Variants in MYB observed in about 807,000 individuals in gnomAD.
MYB encodes transcriptional activator Myb.
A neutral mutation model predicts 92.9 loss-of-function variants in MYB; 28 were observed. The ratio of observed to expected loss-of-function variants is 0.30; its 90% CI spans 0.22 to 0.41. The LOEUF (loss-of-function observed/expected upper bound fraction) is 0.41. Ranked by LOEUF, MYB falls within the 10% of genes least tolerant of loss-of-function variation. MYB has a pLI of 1.00. For synonymous variants in MYB, 295 were observed against 329.1 expected (o/e 0.90, Z 1.12); for missense variants, 679 against 929.3 (o/e 0.73, Z 3.50).
chr6:135,183,918 T>C (rs1203056386), intron 1 of MYB, among the ~76,000 whole-genome samples: 1 of 152,148 alleles, frequency 6.6e-6, no homozygotes. Context: ...ACTGAAGTCT[T>C]GAGAGAGAGG....
In MYB at chr6:135,190,686, A is replaced by G. The variant is rs1776509324; in HGVS notation, c.527+339A>G. Among the ~76,000 whole-genome samples, 3 of 152,362 alleles carry G rather than the reference A, an allele frequency of 2.0e-5. No homozygotes were observed. The South Asian group carries it at 6.2e-4, about 32-fold the overall frequency. The stretch of plus-strand genomic sequence containing the variant: ...ACTATAAAACTCTAAATGCATAGAA[A>G]GAAACTGAAGACAGTTTGTCTCTGG... On this transcript the variant is annotated intron_variant, in intron 5 of 15. Coordinates refer to ENST00000341911, the MANE Select transcript of MYB (RefSeq NM_001130173.2). This position sits in a 1 kb window ranked among gnomAD's most constrained non-coding sequence, Gnocchi z 4.5.
At chr6:135,194,939 T>A in intron 8 of MYB, 2 of 1,315,236 alleles carry the variant, frequency 1.5e-6, no homozygotes, top group Non-Finnish European at 2.0e-6. Flanking sequence ...AGCTGCTCTC[T>A]TTTATTTGCA....
intron 4 of MYB, 33 bp downstream of exon 4, chr6:135,189,916 A>G (rs2128289549): frequency 1.3e-6 from 2 of 1,570,416 alleles, no homozygotes; most frequent in East Asian, 4.5e-5. Context: ...TGTGACTCAT[A>G]ATTAAGAATA....
intron 11 of MYB, chr6:135,199,636 G>C: frequency 1.5e-6 from 1 of 688,750 alleles, no homozygotes; most frequent in Non-Finnish European, 1.8e-6. Context: ...AAATGGTAGA[G>C]AAAGTGTGAA....
Position 135,201,761 on chromosome 6 carries a change from T to C in MYB, c.2061+12T>C. ...TGGCAGATGCACCGGTAAGTACGTG[T>C]GCACCAGCCCCCAAGTTGTTATGTG... On this transcript the variant is annotated intron_variant, in intron 14 of 15. Coordinates refer to ENST00000341911, the MANE Select transcript of MYB (RefSeq NM_001130173.2). 2.1e-6 allele frequency: 3 copies of C among 1,411,932 alleles called. No homozygotes were observed. The highest frequency in any genetic ancestry group is 2.8e-6 in the Non-Finnish European group (3 of 1,062,086). The allele number at this position is 1,411,932 out of a possible 1,614,324, so 87.5% of individuals were successfully genotyped here.
chr6:135,199,628 A>C, intron 11 of MYB: 2 of 743,344 alleles, frequency 2.7e-6, no homozygotes, highest in Non-Finnish European at 3.4e-6. Flanking sequence ...ATTCAGAGAA[A>C]TGGTAGAGAA....
In MYB at chr6:135,182,873, G is replaced by T. The variant is rs1005452344; in HGVS notation, c.23+1337G>T. 1.3e-5 allele frequency among the ~76,000 whole-genome samples: 2 copies of T among 152,272 alleles called. No homozygotes were observed. The highest frequency in any genetic ancestry group is 3.9e-4 in the East Asian group (2 of 5,160). On this transcript the variant is annotated intron_variant, in intron 1 of 15. Coordinates refer to ENST00000341911, the MANE Select transcript of MYB (RefSeq NM_001130173.2). This position sits in a 1 kb window ranked among gnomAD's most constrained non-coding sequence, Gnocchi z 5.6. ...CGGGGCTTGGTTGGGCTCTGGGGAC[G>T]AGAGGGCGACTTGGGGGAGCTCCGG...
intron 15 of MYB, 119 bp from the exon 16 acceptor site, chr6:135,217,745 T>C: frequency 2.7e-6 from 2 of 751,274 alleles, no homozygotes; most frequent in Admixed American, 2.2e-5. Context: ...TAAGATTCTA[T>C]CTGACAAAGC....
Position 135,201,648 on chromosome 6 carries a change from C to T in MYB, c.1960C>T (p.Pro654Ser). The change falls in exon 14 of 16, where the codon CCA becomes TCA. Residue 654 changes from proline (P) to serine (S), a missense_variant. This residue lies in a region of MYB where 402 missense variants were observed against 434.2 expected (regional missense o/e 0.93). Transcript: ENST00000341911. ...LKKIKQEVES[P>S]TDKSGNFFCS... ...TTCTATATGCTTTTAGGTGGAATCT[C>T]CAACTGATAAATCAGGAAACTTCTT... The T allele has an allele frequency of 6.2e-7, 1 of 1,604,646 alleles. No individual in the cohort carries two copies. The highest frequency in any genetic ancestry group is 8.5e-7 in the Non-Finnish European group (1 of 1,173,850).
At chr6:135,200,513 C>A in intron 13 of MYB, 98 bp downstream of exon 13, 1 of 1,541,956 alleles carries the variant, frequency 6.5e-7, no homozygotes, top group Non-Finnish European at 8.9e-7. Flanking sequence ...CTGTGCAACA[C>A]CACGACTTTT....
At chr6:135,203,850 C>T in intron 15 of MYB, 1 of 1,236,598 alleles carries the variant, frequency 8.1e-7, no homozygotes, top group East Asian at 6.0e-5. Flanking sequence ...TGAAGTTGAC[C>T]ATCTGCTGTC....
chr6:135,208,933 G>A (rs1779352064), intron 15 of MYB, among the ~76,000 whole-genome samples: 2 of 152,230 alleles, frequency 1.3e-5, no homozygotes, highest in Non-Finnish European at 1.5e-5. Flanking sequence ...CTAGTCCAGT[G>A]CTGTCTAATA....
chr6:135,190,123 G>A lies in MYB; in HGVS notation c.307-4G>A. On this transcript the variant is annotated splice_region_variant and splice_polypyrimidine_tract_variant and intron_variant, in intron 4 of 15. Transcript: ENST00000341911. The surrounding 1 kb of genome is among the most constrained non-coding windows in gnomAD (Gnocchi z 4.5). ...ATAGGTTATTTTTGTGTGTTTATCT[G>A]AAGGTGATAGAGCTTGTACAGAAAT... 6.2e-7 allele frequency: 1 copy of A among 1,613,368 alleles called. No homozygotes were observed.
chr6:135,183,671 C>A (rs1775491293), intron 1 of MYB, among the ~76,000 whole-genome samples: 1 of 152,176 alleles, frequency 6.6e-6, no homozygotes, highest in Admixed American at 6.5e-5. Flanking sequence ...GCCAGCCTGG[C>A]AGGGAAACTC....
intron 11 of MYB, chr6:135,199,454 A>G (rs1777770109): frequency 6.6e-6 from 3 of 453,710 alleles, no homozygotes; most frequent in Admixed American, 1.0e-4. Flanking sequence ...ATTTAATTTT[A>G]TTTGTTTATT....
chr6:135,219,075 A>G lies in MYB; in HGVS notation c.*1095A>G, dbSNP rs967635543. Reference sequence around the variant, plus strand: ...TGGTTGATAGCCAGTCACTGCCTTAAGAACATTTGATGCAAGATGGCCAGC... The same window carrying G: ...TGGTTGATAGCCAGTCACTGCCTTAGGAACATTTGATGCAAGATGGCCAGC... On this transcript the variant is annotated 3_prime_UTR_variant, in exon 16 of 16. Transcript: ENST00000341911. 1.8e-5 allele frequency: 4 copies of G among 225,262 alleles called. No individual in the cohort carries two copies. The highest frequency in any genetic ancestry group is 5.7e-5 in the Admixed American group (1 of 17,488). 14.0% of individuals were successfully genotyped at this position (225,262 alleles called of 1,614,324 possible).
intron 15 of MYB, among the ~76,000 whole-genome samples, chr6:135,210,998 C>T: frequency 6.6e-6 from 1 of 151,912 alleles, no homozygotes; most frequent in East Asian, 1.9e-4. Flanking sequence ...AGAACTGTGT[C>T]AGTGGGTCAC....
intron 14 of MYB, among the ~76,000 whole-genome samples, chr6:135,201,966 T>C (rs543331822): frequency 1.4e-3 from 212 of 152,350 alleles, no homozygotes; most frequent in African/African-American, 4.9e-3. Context: ...ACTTTTTCAT[T>C]ATTTGTTTTC....
rs545840572 is a variant in MYB at position 135,196,287 on chromosome 6, TAGTC to T, written c.1203+288_1203+291del. On this transcript the variant is annotated intron_variant, in intron 9 of 15. Transcript: ENST00000341911. ...CCTTCAAAAGTCATATTTTTAAAAA[TAGTC>T]AGATTGATGACTTATAAAGCAGAGC... 3.8e-3 allele frequency among the ~76,000 whole-genome samples: 578 copies of T among 152,310 alleles called. 1 individual carries two copies. Among genetic ancestry groups the T allele is most frequent in the South Asian group, 6.0e-3 (29 of 4,828 alleles).
Sources: allele counts gnomAD v4.1 joint callset (sites outside exome capture counted in the v4.1 genomes callset), GRCh38; gene constraint gnomAD v4.1.1; regional missense constraint gnomAD v4.1.1; non-coding constraint Gnocchi (gnomAD v3.1); transcripts MANE v1.5; gene names NCBI Gene and HGNC (gene_info 2026-07-23, HGNC 2026-07-21).